The following OXNAD1 variants were observed in gnomAD, a reference collection of about 807,000 sequenced individuals.
The protein encoded by OXNAD1 is oxidoreductase NAD binding domain containing 1.
A neutral mutation model predicts 32.9 loss-of-function variants in OXNAD1; 34 were observed. That is an observed-to-expected ratio of 1.03 (90% CI 0.79 to 1.38). The LOEUF (loss-of-function observed/expected upper bound fraction) is 1.38. OXNAD1 is among the 40% of genes most tolerant of loss of function. The pLI is 0.00. For synonymous variants in OXNAD1, 134 were observed against 135.2 expected (o/e 0.99, Z 0.06); for missense variants, 407 against 379.4 (o/e 1.07, Z -0.60).
chr3:16,300,671 G>A (rs1011367454), intron 6 of OXNAD1, among the ~76,000 whole-genome samples: 9 of 152,206 alleles, frequency 5.9e-5, no homozygotes, highest in African/African-American at 2.2e-4. Flanking sequence ...GAATTTATCT[G>A]AGTTGTATCA....
At chr3:16,311,130 A>ACTCC (rs10569622) in intron 9 of OXNAD1, among the ~76,000 whole-genome samples, 33 of 150,196 alleles carry the variant, frequency 2.2e-4, no homozygotes, top group Non-Finnish European at 3.1e-4. Context: ...TTGCCACACA[A>ACTCC]CTCCCTCCCT....
In OXNAD1 at chr3:16,329,955, C is replaced by A. The variant is rs1050040295; in HGVS notation, c.*31-7157C>A. Among the ~76,000 whole-genome samples, 1 of 152,180 alleles carries A rather than the reference C, an allele frequency of 6.6e-6. No homozygotes were observed. Among genetic ancestry groups the A allele is most frequent in the Non-Finnish European group, 1.5e-5 (1 of 68,034 alleles). On this transcript the variant is annotated intron_variant, in intron 9 of 9. Coordinates refer to the OXNAD1 transcript ENST00000435829. The surrounding 1 kb of genome is among the most constrained non-coding windows in gnomAD (Gnocchi z 4.5). Reference sequence around the variant, plus strand: ...GAACGACCCCTGCTGCAGCCCGACCCGCCTGCTTAGACAGACTGCAAACCG... The same window carrying A: ...GAACGACCCCTGCTGCAGCCCGACCAGCCTGCTTAGACAGACTGCAAACCG...
At chr3:16,293,914 A>G (rs1293255578) in intron 5 of OXNAD1, among the ~76,000 whole-genome samples, 1 of 152,204 alleles carries the variant, frequency 6.6e-6, no homozygotes, top group Admixed American at 6.5e-5. Flanking sequence ...TGAGATGATC[A>G]TGTGGGTTTT....
chr3:16,310,217 G>A (rs73142322), downstream of OXNAD1, among the ~76,000 whole-genome samples: 593 of 152,342 alleles, frequency 3.9e-3, 7 homozygotes, highest in African/African-American at 0.014. Context: ...AAGTGTTTTA[G>A]ACAGTTATTA....
At chr3:16,310,247 CT>C (rs2067872620), downstream of OXNAD1, among the ~76,000 whole-genome samples, 1 of 152,088 alleles carries the variant, frequency 6.6e-6, no homozygotes, top group Non-Finnish European at 1.5e-5. Context: ...TTTTGTGGAC[CT>C]AGAAACTGGT....
chr3:16,310,037 T>C (rs1171631322), downstream of OXNAD1, among the ~76,000 whole-genome samples: 1 of 152,242 alleles, frequency 6.6e-6, no homozygotes, highest in Non-Finnish European at 1.5e-5. Context: ...TTTGGTTTGA[T>C]ACAGGGGACT....
intron 9 of OXNAD1, among the ~76,000 whole-genome samples, chr3:16,333,913 C>T (rs982471046): frequency 7.2e-5 from 11 of 152,222 alleles, no homozygotes; most frequent in African/African-American, 1.7e-4. Flanking sequence ...CGCCTGTAAT[C>T]CCAGCACTTT....
intron 4 of OXNAD1, among the ~76,000 whole-genome samples, chr3:16,273,237 G>A (rs1218488146): frequency 6.6e-6 from 1 of 152,148 alleles, no homozygotes; most frequent in Non-Finnish European, 1.5e-5. Context: ...TTACTGTTTA[G>A]CGTCAACTGA....
chr3:16,311,198 T>G (rs1375196395), intron 9 of OXNAD1, among the ~76,000 whole-genome samples: 1 of 32,286 alleles, frequency 3.1e-5, no homozygotes, highest in Non-Finnish European at 5.2e-5. Flanking sequence ...ATTATATATT[T>G]TATATATTTT....
chr3:16,323,996 C>T (rs1044601741), intron 9 of OXNAD1, among the ~76,000 whole-genome samples: 4 of 152,124 alleles, frequency 2.6e-5, no homozygotes, highest in South Asian at 2.1e-4. Context: ...GGCTCACATG[C>T]GAGGGAGGGG....
Position 16,284,021 on chromosome 3 carries a change from T to G in OXNAD1, c.184-2321T>G, listed in dbSNP as rs761382867. Among the ~76,000 whole-genome samples the G allele has an allele frequency of 6.6e-6, 1 of 152,162 alleles. No individual in the cohort carries two copies. Among genetic ancestry groups the G allele is most frequent in the Non-Finnish European group, 1.5e-5 (1 of 68,036 alleles). The stretch of plus-strand genomic sequence containing the variant: ...CATCAAGGAAAAAGGGAAGATTCTG[T>G]GGGCTATAGAAGAGCTGATTGTCTC... On this transcript the variant is annotated intron_variant, in intron 4 of 8. Transcript: ENST00000285083. This position sits in a 1 kb window ranked among gnomAD's most constrained non-coding sequence, Gnocchi z 4.1.
At chr3:16,323,347 A>C (rs1450251326) in intron 9 of OXNAD1, 2 of 1,527,932 alleles carry the variant, frequency 1.3e-6, no homozygotes, top group African/African-American at 2.8e-5. Context: ...TGCTGAGGAA[A>C]ACCTAGGAAG....
rs1183729279 is a variant in OXNAD1 at position 16,342,524 on chromosome 3, T to G, written c.*31-6652T>G. Among the ~76,000 whole-genome samples the G allele has an allele frequency of 6.6e-6, 1 of 152,216 alleles. No individual in the cohort carries two copies. Among genetic ancestry groups the G allele is most frequent in the Non-Finnish European group, 1.5e-5 (1 of 68,042 alleles). ...ACATAGGTCTTTATGTGGACATATG[T>G]TTTCATTTCTCTTAAATATAGGGGT... On this transcript the variant is annotated intron_variant, in intron 9 of 9. Transcript: ENST00000606098. This position sits in a 1 kb window ranked among gnomAD's most constrained non-coding sequence, Gnocchi z 4.0.
rs925685183 is a variant in OXNAD1 at position 16,287,944 on chromosome 3, C to T, written c.290+1496C>T. Among the ~76,000 whole-genome samples, 4 of 152,244 alleles carry T rather than the reference C, an allele frequency of 2.6e-5. No homozygotes were observed. The highest frequency in any genetic ancestry group is 7.2e-5 in the African/African-American group (3 of 41,522). ...GTGCCTGTCAGACTTCTTCGGAGGTCGGACTTGGCGGGTAAGGATCACTGG... is the reference window on the plus strand; with the variant it reads ...GTGCCTGTCAGACTTCTTCGGAGGTTGGACTTGGCGGGTAAGGATCACTGG... On this transcript the variant is annotated intron_variant, in intron 5 of 8. Transcript: ENST00000285083. This position sits in a 1 kb window ranked among gnomAD's most constrained non-coding sequence, Gnocchi z 4.8.
rs2069371604 is a variant in OXNAD1, at chr3:16,323,913, G to A, written c.*31-13199G>A. 2.6e-5 allele frequency among the ~76,000 whole-genome samples: 4 copies of A among 152,314 alleles called. No homozygotes were observed. In the South Asian group the frequency reaches 8.3e-4, roughly 32 times the overall value. On this transcript the variant is annotated intron_variant, in intron 9 of 9. Transcript: ENST00000435829. ...TGCATCCAGGGTCTCAGCCATGCAT[G>A]GCTCCTGCAGGCACACCAAAGACTG...
rs903996593 is a variant in OXNAD1 at position 16,334,164 on chromosome 3, C to CAAAACA, written c.*31-2931_*31-2926dup. 6.6e-6 allele frequency among the ~76,000 whole-genome samples: 1 copy of CAAAACA among 151,800 alleles called. No homozygotes were observed. The highest frequency in any genetic ancestry group is 6.6e-5 in the Admixed American group (1 of 15,246). On this transcript the variant is annotated intron_variant, in intron 9 of 9. Coordinates refer to the OXNAD1 transcript ENST00000435829. This position sits in a 1 kb window ranked among gnomAD's most constrained non-coding sequence, Gnocchi z 4.3. ...TGGGCGACAGAGCAAGACTCTGTCTCAAAACAAAAACAAAAACAAAAAACA... is the reference window on the plus strand; with the variant it reads ...TGGGCGACAGAGCAAGACTCTGTCTCAAAACAAAAACAAAAACAAAAACAAAAAACA...
intron 9 of OXNAD1, among the ~76,000 whole-genome samples, chr3:16,311,757 G>A (rs1300377818): frequency 6.6e-6 from 1 of 151,850 alleles, no homozygotes; most frequent in Non-Finnish European, 1.5e-5. Flanking sequence ...TGGGATCCCT[G>A]CATTTTCCTC....
chr3:16,280,657 A>G lies in OXNAD1; in HGVS notation c.184-5685A>G, dbSNP rs1413082530. Among the ~76,000 whole-genome samples the G allele has an allele frequency of 6.6e-6, 1 of 152,222 alleles. No homozygotes were observed. Among genetic ancestry groups the G allele is most frequent in the Non-Finnish European group, 1.5e-5 (1 of 68,044 alleles). On this transcript the variant is annotated intron_variant, in intron 4 of 8. Transcript: ENST00000285083. The surrounding 1 kb of genome is among the most constrained non-coding windows in gnomAD (Gnocchi z 4.5). Reference sequence around the variant, plus strand: ...ATGGCTTTGCCTAAATTTTTAAGCCAGAAAATGAATGAACAGGAGTGAACA... The same window carrying G: ...ATGGCTTTGCCTAAATTTTTAAGCCGGAAAATGAATGAACAGGAGTGAACA...
At chr3:16,319,944 G>A (rs1411937562) in intron 9 of OXNAD1, among the ~76,000 whole-genome samples, 2 of 151,944 alleles carry the variant, frequency 1.3e-5, no homozygotes, top group African/African-American at 2.4e-5. Context: ...CCAGCAAGCC[G>A]CAGATAAAAC....
Sources: gnomAD v4.1 joint callset for allele counts (sites outside exome capture counted in the v4.1 genomes callset) on GRCh38, gnomAD v4.1.1 for gene constraint, Gnocchi (gnomAD v3.1) non-coding constraint, MANE v1.5 for transcripts, NCBI Gene and HGNC (gene_info 2026-07-23, HGNC 2026-07-21) for gene names.